The following PAPPA2 variants were observed in gnomAD, a reference collection of about 807,000 sequenced individuals.
PAPPA2 encodes the protein pappalysin 2, also known as pappalysin-2.
PAPPA2 carries 86 observed loss-of-function variants against 176.4 expected under a neutral mutation model. The ratio of observed to expected loss-of-function variants is 0.49; its 90% CI spans 0.41 to 0.58. PAPPA2 has a LOEUF of 0.58. PAPPA2 is among the 20% of genes least tolerant of loss of function. PAPPA2 has a pLI of 0.00. For synonymous variants in PAPPA2, 809 were observed against 852.2 expected, an observed-to-expected ratio of 0.95 and a Z score of 0.88; for missense variants, 2,073 against 2,256.9, an observed-to-expected ratio of 0.92 and a Z score of 1.65.
At chr1:176,593,554 T>C (rs948903441) in intron 2 of PAPPA2, among the ~76,000 whole-genome samples, 1 of 152,206 alleles carries the variant, frequency 6.6e-6, no homozygotes, top group African/African-American at 2.4e-5. Flanking sequence ...GAAGATGGGT[T>C]ACTAGGAACA....
At chr1:176,657,331 G>T (rs1658090667) in intron 3 of PAPPA2, among the ~76,000 whole-genome samples, 1 of 151,908 alleles carries the variant, frequency 6.6e-6, no homozygotes, top group African/African-American at 2.4e-5. Context: ...ACGAGAGTTA[G>T]AAGGAAGTAG....
At chr1:176,687,724 A>G (rs1659909613) in intron 4 of PAPPA2, among the ~76,000 whole-genome samples, 1 of 152,156 alleles carries the variant, frequency 6.6e-6, no homozygotes, top group Non-Finnish European at 1.5e-5. Context: ...GTATGAGTAG[A>G]AGGTAACTAT....
At chr1:176,573,766 T>A (rs1652486985) in intron 2 of PAPPA2, among the ~76,000 whole-genome samples, 1 of 151,756 alleles carries the variant, frequency 6.6e-6, no homozygotes, top group East Asian at 1.9e-4. Flanking sequence ...GAGTGGGGAG[T>A]GACAAGTCTG....
In PAPPA2 at chr1:176,556,922, A is replaced by G. The variant is rs1362055608; in HGVS notation, c.600A>G (p.Gln200=). ...RGWAKSRQRR[Q]VWKRRAEDGQ... is the part of the protein sequence containing the mutation. ...GGGCCAAGTCCAGGCAGCGTCGCCAAGTGTGGAAGAGGCGGGCGGAAGATG... is the reference window on the plus strand; with the variant it reads ...GGGCCAAGTCCAGGCAGCGTCGCCAGGTGTGGAAGAGGCGGGCGGAAGATG... Residue 200 remains glutamine (Q), a synonymous_variant, in exon 2 of 23, where the codon CAA becomes CAG. Coordinates refer to ENST00000367662, the MANE Select transcript of PAPPA2 (RefSeq NM_020318.3). 3 of 1,614,114 alleles carry G rather than the reference A, an allele frequency of 1.9e-6. No homozygotes were observed. Among genetic ancestry groups the G allele is most frequent in the Non-Finnish European group, 2.5e-6 (3 of 1,180,032 alleles).
Position 176,709,120 on chromosome 1 carries a change from G to A in PAPPA2, c.3458-863G>A, listed in dbSNP as rs184205099. On this transcript the variant is annotated intron_variant, in intron 10 of 22. Transcript: ENST00000367662. Reference sequence around the variant, plus strand: ...AGGAGTTATCGTATGAGCAAGAATGGAACTTGTCCAGTGCATACTAGCTGG... The same window carrying A: ...AGGAGTTATCGTATGAGCAAGAATGAAACTTGTCCAGTGCATACTAGCTGG... Among the ~76,000 whole-genome samples the A allele has an allele frequency of 1.2e-3, 176 of 152,232 alleles. 1 individual carries two copies. Among genetic ancestry groups the A allele is most frequent in the African/African-American group, 3.9e-3 (162 of 41,550 alleles).
At chr1:176,727,532 G>A (rs978471081) in intron 12 of PAPPA2, among the ~76,000 whole-genome samples, 1 of 151,964 alleles carries the variant, frequency 6.6e-6, no homozygotes, top group Non-Finnish European at 1.5e-5. Context: ...ATAAATTGAA[G>A]CACTTAAGAA....
chr1:176,523,731 T>C (rs915538638), intron 1 of PAPPA2, among the ~76,000 whole-genome samples: 5 of 152,220 alleles, frequency 3.3e-5, no homozygotes, highest in East Asian at 1.9e-4. Context: ...AAAGAGCTTA[T>C]GATTCAGTAG....
chr1:176,738,268 GA>G (rs1021330142), intron 12 of PAPPA2, among the ~76,000 whole-genome samples: 3 of 152,042 alleles, frequency 2.0e-5, no homozygotes, highest in Admixed American at 6.6e-5. Flanking sequence ...AAAAGGGGGG[GA>G]AAGACACTGT....
intron 1 of PAPPA2, among the ~76,000 whole-genome samples, chr1:176,486,524 A>C (rs539435036): frequency 2.2e-4 from 34 of 152,334 alleles, no homozygotes; most frequent in Non-Finnish European, 3.8e-4. Flanking sequence ...TGGAAGTTAG[A>C]GAAATTGTAT....
intron 1 of PAPPA2, among the ~76,000 whole-genome samples, chr1:176,477,876 A>C (rs1479735790): frequency 6.6e-6 from 1 of 152,224 alleles, no homozygotes; most frequent in African/African-American, 2.4e-5. Flanking sequence ...AAACATTGCT[A>C]TAAGGATCCC....
intron 1 of PAPPA2, among the ~76,000 whole-genome samples, chr1:176,469,024 C>T (rs1220471521): frequency 6.6e-6 from 1 of 152,202 alleles, no homozygotes; most frequent in Non-Finnish European, 1.5e-5. Flanking sequence ...TTTCCAACTT[C>T]AAGCTCTGTT....
At chr1:176,491,117 G>A (rs542575722) in intron 1 of PAPPA2, among the ~76,000 whole-genome samples, 13 of 152,192 alleles carry the variant, frequency 8.5e-5, no homozygotes, top group Non-Finnish European at 1.3e-4. Flanking sequence ...TTGAGAAGTC[G>A]AGATAACTTT....
chr1:176,696,915 C>G (rs2102815257), intron 7 of PAPPA2, among the ~76,000 whole-genome samples: 1 of 152,198 alleles, frequency 6.6e-6, no homozygotes, highest in South Asian at 2.1e-4. Context: ...TGGAAGGAGA[C>G]AATTTACTTG....
At chr1:176,827,397 A>G (rs569293301) in intron 21 of PAPPA2, among the ~76,000 whole-genome samples, 4 of 152,336 alleles carry the variant, frequency 2.6e-5, no homozygotes, top group East Asian at 1.9e-4. Context: ...AACCACAGAT[A>G]TATCTTTTCT....
chr1:176,670,979 G>T lies in PAPPA2; in HGVS notation c.2001G>T (p.Met667Ile). 6.2e-7 allele frequency: 1 copy of T among 1,613,796 alleles called. No individual in the cohort carries two copies. The highest frequency in any genetic ancestry group is 8.5e-7 in the Non-Finnish European group (1 of 1,179,792). The change falls in exon 4 of 23, where the codon ATG (methionine) becomes ATT (isoleucine). Residue 667 changes from methionine to isoleucine, a missense_variant. Physicochemically the swap from Met to Ile is conservative, Grantham distance 10. Transcript: ENST00000367662. ...CTTGCATGCTCTCTAGGGCATACAT[G>T]AGTGTGAAGGAGCTGAAGGAGGCCC... ...FDPDSPKRAYMSVKELKEALQ... is the reference protein window; with the variant it reads ...FDPDSPKRAYISVKELKEALQ...
chr1:176,714,279 A>C (rs989471609), intron 12 of PAPPA2, among the ~76,000 whole-genome samples: 1 of 152,164 alleles, frequency 6.6e-6, no homozygotes, highest in African/African-American at 2.4e-5. Context: ...ACACCTCACT[A>C]TGCTCCAAAC....
chr1:176,754,965 C>G (rs1328736738), intron 14 of PAPPA2, among the ~76,000 whole-genome samples: 2 of 152,172 alleles, frequency 1.3e-5, no homozygotes, highest in African/African-American at 4.8e-5. Flanking sequence ...CTGCTTCTCA[C>G]TTTTGTCTAC....
intron 7 of PAPPA2, 48 bp downstream of exon 7, chr1:176,695,907 A>T: frequency 5.6e-6 from 9 of 1,596,450 alleles, no homozygotes; most frequent in Non-Finnish European, 7.7e-6. Context: ...ACCACTGAGG[A>T]TGGGGGTGGA....
At chr1:176,574,577 G>A (rs1652539562) in intron 2 of PAPPA2, among the ~76,000 whole-genome samples, 1 of 152,186 alleles carries the variant, frequency 6.6e-6, no homozygotes, top group African/African-American at 2.4e-5. Context: ...GAGAGTTTGG[G>A]AAGTTGAGAA....
Sources: gnomAD v4.1 joint callset for allele counts (sites outside exome capture counted in the v4.1 genomes callset) on GRCh38, gnomAD v4.1.1 for gene constraint, MANE v1.5 for transcripts, NCBI Gene and HGNC (gene_info 2026-07-23, HGNC 2026-07-21) for gene names.